Variants in NPM1 observed in about 807,000 individuals in gnomAD.
NPM1 encodes nucleophosmin.
Under a neutral mutation model 44.1 loss-of-function variants are expected in NPM1, and 1 was observed. The observed-to-expected ratio is 0.02, with a 90% confidence interval of 0.01 to 0.11. NPM1 has a LOEUF of 0.11. Ranked by LOEUF, NPM1 falls within the 10% of genes least tolerant of loss-of-function variation. NPM1 has a pLI of 1.00. For synonymous variants in NPM1, 126 were observed against 111.8 expected (o/e 1.13, Z -0.80); for missense variants, 197 against 347.8 (o/e 0.57, Z 3.45).
At chr5:171,396,698 G>A (rs558691089) in intron 6 of NPM1, among the ~76,000 whole-genome samples, 101 of 152,218 alleles carry the variant, frequency 6.6e-4, no homozygotes, top group African/African-American at 2.4e-3. Flanking sequence ...CCCCTCCATT[G>A]TTTACCTATT....
intron 2 of NPM1, 50 bp downstream of exon 2, chr5:171,390,180 TTTAG>T (rs766211846): frequency 3.7e-6 from 4 of 1,093,874 alleles, no homozygotes; most frequent in Non-Finnish European, 5.3e-6. Flanking sequence ...ATTTCAGCCT[TTTAG>T]TTTCTATTCA....
chr5:171,405,214 GAA>G (rs1172023466), intron 8 of NPM1, 86 bp from the exon 9 acceptor site: 4 of 671,412 alleles, frequency 6.0e-6, no homozygotes, highest in Non-Finnish European at 1.1e-5. Flanking sequence ...AGTTTTGTGA[GAA>G]TATTTGAGGA....
At chr5:171,406,370 G>A (rs1771568992) in intron 9 of NPM1, 2 of 1,594,276 alleles carry the variant, frequency 1.3e-6, no homozygotes, top group East Asian at 2.2e-5. Flanking sequence ...ATTTTAATAT[G>A]GTCCTATCTC....
At chr5:171,409,397 C>T (rs938852966) in intron 10 of NPM1, among the ~76,000 whole-genome samples, 1 of 152,038 alleles carries the variant, frequency 6.6e-6, no homozygotes. Context: ...ACTAAAAATA[C>T]TAAATTTAGC....
chr5:171,403,859 A>G (rs1436652199), intron 8 of NPM1, among the ~76,000 whole-genome samples: 52 of 25,404 alleles, frequency 2.0e-3, no homozygotes, highest in South Asian at 2.7e-3. Context: ...GGCCGGGCGG[A>G]GGGCTGACCC....
intron 9 of NPM1, chr5:171,406,559 TTCA>T: frequency 6.8e-7 from 1 of 1,470,438 alleles, no homozygotes; most frequent in South Asian, 1.4e-5. Flanking sequence ...CCCATGCCTC[TTCA>T]GGCTGGAAAC....
intron 6 of NPM1, 40 bp downstream of exon 6, chr5:171,393,018 T>A (rs774512903): frequency 1.7e-5 from 27 of 1,586,556 alleles, no homozygotes; most frequent in Non-Finnish European, 2.2e-5. Flanking sequence ...TTCCGGAATC[T>A]TGACAAAAAA....
chr5:171,396,921 C>T (rs990588625), intron 6 of NPM1, among the ~76,000 whole-genome samples: 19 of 152,036 alleles, frequency 1.2e-4, no homozygotes, highest in East Asian at 3.9e-4. Flanking sequence ...TGCAGTGAGC[C>T]GAGATCGCAC....
At chr5:171,399,524 A>G (rs1241149900) in intron 6 of NPM1, among the ~76,000 whole-genome samples, 1 of 152,184 alleles carries the variant, frequency 6.6e-6, no homozygotes, top group Non-Finnish European at 1.5e-5. Context: ...GGTGTGAGAC[A>G]CTGTGCCAGT....
intron 9 of NPM1, among the ~76,000 whole-genome samples, chr5:171,407,276 T>A (rs1771618532): frequency 6.6e-6 from 1 of 152,178 alleles, no homozygotes. Flanking sequence ...TCAGCAAGTG[T>A]TTTGTGGGGT....
At chr5:171,406,659 C>T in intron 9 of NPM1, 1 of 1,295,680 alleles carries the variant, frequency 7.7e-7, no homozygotes, top group Non-Finnish European at 9.8e-7. Flanking sequence ...GTGCATTTGC[C>T]TCACCTGACA....
chr5:171,400,307 T>TGGGAGCTCATCTCATACTGA (rs1771126570), intron 7 of NPM1, 97 bp downstream of exon 7: 1 of 1,233,124 alleles, frequency 8.1e-7, no homozygotes, highest in African/African-American at 1.5e-5. Flanking sequence ...GAAGCTGGTG[T>TGGGAGCTCATCTCATACTGA]GGGAGATCAT....
At chr5:171,397,964 T>C (rs1235391877) in intron 6 of NPM1, among the ~76,000 whole-genome samples, 3 of 151,990 alleles carry the variant, frequency 2.0e-5, no homozygotes, top group African/African-American at 7.3e-5. Context: ...GCTAATTTTC[T>C]GTATTTTAAA....
chr5:171,407,659 T>C, intron 9 of NPM1, 41 bp from the exon 10 acceptor site: 1 of 1,116,412 alleles, frequency 9.0e-7, no homozygotes, highest in Non-Finnish European at 1.4e-6. Context: ...TCTCTCGGTG[T>C]ATTTCTCTAC....
At position 171,387,891 on chromosome 5, in the gene NPM1, G is replaced by T; in HGVS notation, c.-58G>T. 6.5e-7 allele frequency: 1 copy of T among 1,533,038 alleles called. No individual in the cohort carries two copies. The highest frequency in any genetic ancestry group is 2.2e-5 in the East Asian group (1 of 44,494). 95.0% of individuals were successfully genotyped at this position (1,533,038 alleles called of 1,614,324 possible). A position where few individuals can be genotyped will look rare whatever the true frequency, so the allele number is the denominator to read the frequency against. The stretch of plus-strand genomic sequence containing the variant: ...CCGTCCTGCGCGGTTGTTCTCTGGA[G>T]CAGCGTTCTTTTATCTCCGTCCGCC... On this transcript the variant is annotated 5_prime_UTR_variant, in exon 1 of 11. Coordinates refer to ENST00000296930, the MANE Select transcript of NPM1 (RefSeq NM_002520.7).
At chr5:171,399,445 ATG>A (rs1340413640) in intron 6 of NPM1, among the ~76,000 whole-genome samples, 2 of 152,018 alleles carry the variant, frequency 1.3e-5, no homozygotes, top group Non-Finnish European at 2.9e-5. Flanking sequence ...GGTTCTCATT[ATG>A]TTGCCTAGGC....
chr5:171,400,481 C>T (rs1334232800), intron 7 of NPM1, among the ~76,000 whole-genome samples: 9 of 139,278 alleles, frequency 6.5e-5, no homozygotes, highest in Non-Finnish European at 9.2e-5. Context: ...TTTTTTGAGA[C>T]GGAGTCTCAA....
chr5:171,400,326 GAAAATT>G, intron 7 of NPM1, 116 bp downstream of exon 7: 63 of 1,202,854 alleles, frequency 5.2e-5, no homozygotes, highest in Non-Finnish European at 6.1e-5. Flanking sequence ...ATCTCATACT[GAAAATT>G]AGTCCTGAGG....
chr5:171,393,096 A>G, intron 6 of NPM1, 118 bp downstream of exon 6: 3 of 1,304,878 alleles, frequency 2.3e-6, no homozygotes, highest in Middle Eastern at 2.7e-4. Flanking sequence ...ATCCTATGTA[A>G]TAGTTTATAA....
Sources: gnomAD v4.1 joint callset for allele counts (sites outside exome capture counted in the v4.1 genomes callset) on GRCh38, gnomAD v4.1.1 for gene constraint, MANE v1.5 for transcripts, NCBI Gene and HGNC (gene_info 2026-07-23, HGNC 2026-07-21) for gene names.